The following SLC14A2 variants were observed in gnomAD, a reference collection of about 807,000 sequenced individuals.
The protein encoded by SLC14A2 is solute carrier family 14 member 2, also known as urea transporter 2.
A neutral mutation model predicts 104.6 loss-of-function variants in SLC14A2; 91 were observed. The observed-to-expected ratio is 0.87, with a 90% CI of 0.73 to 1.04. The LOEUF (loss-of-function observed/expected upper bound fraction) is 1.04, where lower values mean the gene tolerates loss of function less well. SLC14A2 is among the 50% of genes least tolerant of loss of function. The probability of loss-of-function intolerance (pLI) is 0.00; values close to 1 mark genes in which losing one functional copy is unlikely to be tolerated. For synonymous variants in SLC14A2, 476 were observed against 466.4 expected, an observed-to-expected ratio of 1.02 and a Z score of -0.27; for missense variants, 1,189 against 1,156.0, an observed-to-expected ratio of 1.03 and a Z score of -0.41.
intron 1 of SLC14A2, among the ~76,000 whole-genome samples, chr18:45,227,540 T>C (rs977100513): frequency 4.6e-5 from 7 of 152,204 alleles, no homozygotes; most frequent in Non-Finnish European, 7.3e-5. Context: ...AGCAGCCTCT[T>C]TTATTTGGGC....
At chr18:45,435,257 T>C (rs1029260204) in intron 1 of SLC14A2, 4 of 152,146 alleles carry the variant, frequency 2.6e-5, no homozygotes, top group Non-Finnish European at 5.9e-5. Flanking sequence ...TTCTTCAAAA[T>C]TTCGCAGATA....
intron 2 of SLC14A2, among the ~76,000 whole-genome samples, chr18:45,572,953 T>G (rs543818188): frequency 1.3e-5 from 2 of 152,338 alleles, no homozygotes; most frequent in East Asian, 3.9e-4. Flanking sequence ...GCATCATTGT[T>G]ATTGTCACCA....
intron 1 of SLC14A2, among the ~76,000 whole-genome samples, chr18:45,261,182 G>GTCCCC (rs2084532885): frequency 6.6e-6 from 1 of 150,908 alleles, no homozygotes; most frequent in Admixed American, 6.6e-5. Flanking sequence ...CCCCACAACA[G>GTCCCC]GCCCCGGTGT....
At chr18:45,391,975 G>A (rs1362600564) in intron 1 of SLC14A2, among the ~76,000 whole-genome samples, 3 of 152,122 alleles carry the variant, frequency 2.0e-5, no homozygotes, top group Non-Finnish European at 4.4e-5. Flanking sequence ...CATTGCTTTT[G>A]GTATTTTAGA....
intron 1 of SLC14A2, among the ~76,000 whole-genome samples, chr18:45,261,488 A>G (rs1355268985): frequency 1.3e-5 from 2 of 151,716 alleles, no homozygotes; most frequent in Non-Finnish European, 2.9e-5. Flanking sequence ...TATATGTGCC[A>G]TGCTCGTGTG....
At chr18:45,377,253 T>C (rs1164156142) in intron 1 of SLC14A2, among the ~76,000 whole-genome samples, 2 of 152,098 alleles carry the variant, frequency 1.3e-5, no homozygotes, top group Non-Finnish European at 2.9e-5. Context: ...GGGGTGATTT[T>C]TTTTTTTTTA....
At chr18:45,384,246 C>G (rs1407923501) in intron 1 of SLC14A2, among the ~76,000 whole-genome samples, 1 of 152,138 alleles carries the variant, frequency 6.6e-6, no homozygotes, top group African/African-American at 2.4e-5. Flanking sequence ...CACACAGACC[C>G]TCTCCTCTGG....
chr18:45,333,885 T>C (rs2085313316), intron 1 of SLC14A2, among the ~76,000 whole-genome samples: 1 of 152,218 alleles, frequency 6.6e-6, no homozygotes, highest in Non-Finnish European at 1.5e-5. Context: ...ATCTTTGGAA[T>C]GTTTTTTAAC....
chr18:45,196,529 T>A, the SLC14A2 span, among the ~76,000 whole-genome samples: 1 of 152,220 alleles, frequency 6.6e-6, no homozygotes, highest in Non-Finnish European at 1.5e-5. Flanking sequence ...AGTCAAAATC[T>A]GCTTTGAGCT....
chr18:45,542,035 G>GTTTGTTTTTTTTTTTTTTTTTTT, intron 2 of SLC14A2, among the ~76,000 whole-genome samples: 1 of 54,236 alleles, frequency 1.8e-5, no homozygotes, highest in Middle Eastern at 0.014. Context: ...AAGAGAGAGG[G>GTTTGTTTTTTTTTTTTTTTTTTT]TTTTTTTTTT....
intron 1 of SLC14A2, among the ~76,000 whole-genome samples, chr18:45,311,659 C>T (rs1382148606): frequency 2.0e-5 from 3 of 152,222 alleles, no homozygotes; most frequent in Non-Finnish European, 4.4e-5. Flanking sequence ...AAAACTCCTT[C>T]GGTAATTCTG....
chr18:45,369,775 TACA>T (rs1433842185), intron 1 of SLC14A2, among the ~76,000 whole-genome samples: 5 of 152,196 alleles, frequency 3.3e-5, no homozygotes, highest in Non-Finnish European at 5.9e-5. Flanking sequence ...GCTCTGAGAA[TACA>T]ACGAGAAGCC....
chr18:45,574,051 G>C (rs774247883), intron 2 of SLC14A2, among the ~76,000 whole-genome samples: 65 of 152,196 alleles, frequency 4.3e-4, no homozygotes, highest in Non-Finnish European at 9.0e-4. Flanking sequence ...AATAAACAAA[G>C]TTTAGGAAGT....
At chr18:45,549,354 A>G (rs951902006) in intron 2 of SLC14A2, among the ~76,000 whole-genome samples, 4 of 152,264 alleles carry the variant, frequency 2.6e-5, no homozygotes, top group Non-Finnish European at 5.9e-5. Flanking sequence ...TGGCAGGGCC[A>G]GAGCCAGCCA....
chr18:45,484,278 C>T (rs1361669804), intron 2 of SLC14A2, among the ~76,000 whole-genome samples: 2 of 152,140 alleles, frequency 1.3e-5, no homozygotes, highest in Non-Finnish European at 2.9e-5. Flanking sequence ...ACATCACTTT[C>T]ATTCATACCT....
intron 10 of SLC14A2, among the ~76,000 whole-genome samples, chr18:45,645,015 T>C (rs1245397337): frequency 6.6e-6 from 1 of 152,120 alleles, no homozygotes; most frequent in Non-Finnish European, 1.5e-5. Flanking sequence ...CTCCCTCCTC[T>C]TGCCTCCCAT....
intron 2 of SLC14A2, among the ~76,000 whole-genome samples, chr18:45,547,394 T>C (rs2043987814): frequency 6.6e-6 from 1 of 152,242 alleles, no homozygotes; most frequent in African/African-American, 2.4e-5. Context: ...CAGTCTGTCT[T>C]ACCCTGCAGC....
chr18:45,668,504 G>T lies in SLC14A2; in HGVS notation c.2036+27G>T, dbSNP rs377349125. 4.3e-6 allele frequency: 7 copies of T among 1,613,288 alleles called. No individual in the cohort carries two copies. The African/African-American group carries it at 5.3e-5, about 12-fold the overall frequency. On this transcript the variant is annotated intron_variant, in intron 15 of 19. Coordinates refer to ENST00000255226, the MANE Select transcript of SLC14A2 (RefSeq NM_007163.4). ...TAAGTTTGCTTTTGAAGGGTTGTGG[G>T]TTCATATCAATGGCCACCAACCTTT...
chr18:45,431,453 G>T (rs900440824), intron 1 of SLC14A2, among the ~76,000 whole-genome samples: 4 of 152,168 alleles, frequency 2.6e-5, no homozygotes, highest in African/African-American at 7.2e-5. Context: ...ATTATCAAAA[G>T]AAGTAAATAT....
Sources: gnomAD v4.1 joint callset for allele counts (sites outside exome capture counted in the v4.1 genomes callset) on GRCh38, gnomAD v4.1.1 for gene constraint, MANE v1.5 for transcripts, NCBI Gene and HGNC (gene_info 2026-07-23, HGNC 2026-07-21) for gene names.